KIAA1217: variants seen among roughly 807,000 people sequenced by gnomAD.
KIAA1217 encodes sickle tail protein homolog.
KIAA1217 carries 88 observed loss-of-function variants against 163.9 expected under a neutral mutation model. The ratio of observed to expected loss-of-function variants is 0.54; its 90% CI spans 0.45 to 0.64. KIAA1217 has a LOEUF of 0.64. Ranked by LOEUF, KIAA1217 falls within the 30% of genes least tolerant of loss-of-function variation. The probability of loss-of-function intolerance (pLI) is 0.00; values close to 1 mark genes in which losing one functional copy is unlikely to be tolerated. For missense variants in KIAA1217, 2,372 were observed against 2,475.0 expected, an observed-to-expected ratio of 0.96 and a Z score of 0.88; for synonymous variants, 903 against 923.1, an observed-to-expected ratio of 0.98 and a Z score of 0.39.
At chr10:24,112,306 C>T (rs1159714016) in intron 2 of KIAA1217, among the ~76,000 whole-genome samples, 1 of 152,210 alleles carries the variant, frequency 6.6e-6, no homozygotes, top group Non-Finnish European at 1.5e-5. Flanking sequence ...TAACTTCACA[C>T]ATCTGTAGCC....
Position 24,283,094 on chromosome 10 carries a change from A to C in KIAA1217, c.354+63185A>C, listed in dbSNP as rs367571947. On this transcript the variant is annotated intron_variant, in intron 2 of 20. Coordinates refer to ENST00000376454, the MANE Select transcript of KIAA1217 (RefSeq NM_019590.5). ...GTGATCCACCCACCTCGTCCTCCCAAAGTGCTGGGATTACAGGCATGAGCC... is the reference window on the plus strand; with the variant it reads ...GTGATCCACCCACCTCGTCCTCCCACAGTGCTGGGATTACAGGCATGAGCC... Among the ~76,000 whole-genome samples, 183 of 151,580 alleles carry C rather than the reference A, an allele frequency of 1.2e-3. 1 individual carries two copies. The highest frequency in any genetic ancestry group is 4.4e-3 in the African/African-American group (181 of 41,348).
intron 1 of KIAA1217, among the ~76,000 whole-genome samples, chr10:23,949,923 C>T (rs1268983790): frequency 7.9e-5 from 12 of 152,286 alleles, no homozygotes; most frequent in Middle Eastern, 3.4e-3. Context: ...ATTCCCTTTA[C>T]GTCAGGAATT....
intron 2 of KIAA1217, among the ~76,000 whole-genome samples, chr10:24,043,082 A>G (rs1056319360): frequency 1.3e-5 from 2 of 152,218 alleles, no homozygotes; most frequent in Non-Finnish European, 2.9e-5. Context: ...ATATTTGCCC[A>G]GGAATTGAGA....
intron 2 of KIAA1217, among the ~76,000 whole-genome samples, chr10:24,323,634 A>G (rs781193268): frequency 6.6e-6 from 1 of 152,162 alleles, no homozygotes; most frequent in Non-Finnish European, 1.5e-5. Context: ...GGTTACTAGT[A>G]TTCCACCTGC....
At chr10:23,772,641 T>C (rs539360779) in intron 1 of KIAA1217, among the ~76,000 whole-genome samples, 2 of 152,312 alleles carry the variant, frequency 1.3e-5, no homozygotes, top group East Asian at 1.9e-4. Flanking sequence ...TATTATACGA[T>C]GTCATGCTGT....
chr10:23,896,775 G>A (rs886356746), intron 1 of KIAA1217, among the ~76,000 whole-genome samples: 1 of 151,978 alleles, frequency 6.6e-6, no homozygotes, highest in African/African-American at 2.4e-5. Flanking sequence ...TCCATTATCA[G>A]TTATATTTTT....
intron 3 of KIAA1217, among the ~76,000 whole-genome samples, chr10:24,403,725 C>A (rs2056843841): frequency 6.6e-6 from 1 of 152,146 alleles, no homozygotes; most frequent in Non-Finnish European, 1.5e-5. Flanking sequence ...AGAGGAGGTA[C>A]AGATGGTAAA....
At chr10:24,014,947 G>A (rs1025828037) in intron 2 of KIAA1217, among the ~76,000 whole-genome samples, 6 of 151,466 alleles carry the variant, frequency 4.0e-5, no homozygotes, top group South Asian at 2.1e-4. Flanking sequence ...TAATATCTTC[G>A]ATCAAAAATA....
chr10:24,466,585 G>C (rs2062969787), intron 5 of KIAA1217: 2 of 985,272 alleles, frequency 2.0e-6, no homozygotes. Context: ...GTCTTTATTG[G>C]TTGTGAACAC....
intron 3 of KIAA1217, among the ~76,000 whole-genome samples, chr10:24,425,006 T>C: frequency 6.6e-6 from 1 of 152,194 alleles, no homozygotes; most frequent in Admixed American, 6.5e-5. Flanking sequence ...TCAATGTCTT[T>C]CCCATTTCAG....
intron 1 of KIAA1217, among the ~76,000 whole-genome samples, chr10:23,927,397 C>T (rs1008159044): frequency 6.6e-6 from 1 of 150,880 alleles, no homozygotes; most frequent in Non-Finnish European, 1.5e-5. Flanking sequence ...TCTCCTCTTG[C>T]ATTACCACTG....
At chr10:24,199,210 T>A (rs1184154437) in intron 2 of KIAA1217, among the ~76,000 whole-genome samples, 1 of 152,086 alleles carries the variant, frequency 6.6e-6, no homozygotes, top group Non-Finnish European at 1.5e-5. Flanking sequence ...CCAGCCTGGG[T>A]GACAGAGAAA....
chr10:23,713,699 T>A (rs990779408), intron 1 of KIAA1217, among the ~76,000 whole-genome samples: 2 of 152,174 alleles, frequency 1.3e-5, no homozygotes, highest in Non-Finnish European at 2.9e-5. Context: ...CCAATAAAAC[T>A]TTTTGGTATC....
chr10:23,905,518 G>A lies in KIAA1217; in HGVS notation c.-320-101707G>A, dbSNP rs563969958. On this transcript the variant is annotated intron_variant, in intron 1 of 18. Coordinates refer to the KIAA1217 transcript ENST00000376462. ...GCCCAAGGTCATAAAGCTAAAGGAG[G>A]TGGGGAGGGAGGACCCAGGGCTACA... Among the ~76,000 whole-genome samples the A allele has an allele frequency of 7.9e-5, 12 of 152,196 alleles. No individual in the cohort carries two copies. In the South Asian group the frequency reaches 1.9e-3, roughly 24 times the overall value.
chr10:23,734,379 C>T (rs1478021932), intron 1 of KIAA1217, among the ~76,000 whole-genome samples: 2 of 151,356 alleles, frequency 1.3e-5, no homozygotes, highest in Non-Finnish European at 2.9e-5. Context: ...CTCTGCCTCC[C>T]AGGTTCAAGC....
At chr10:23,881,693 A>T (rs1840956243) in intron 1 of KIAA1217, among the ~76,000 whole-genome samples, 1 of 152,000 alleles carries the variant, frequency 6.6e-6, no homozygotes, top group African/African-American at 2.4e-5. Flanking sequence ...TATCTACTTT[A>T]TAACCTAATC....
At chr10:24,102,260 A>G (rs2062447710) in intron 2 of KIAA1217, among the ~76,000 whole-genome samples, 2 of 152,332 alleles carry the variant, frequency 1.3e-5, no homozygotes, top group South Asian at 4.1e-4. Flanking sequence ...TAAACAATTG[A>G]GACTTGAAAT....
chr10:24,007,594 C>T (rs761339365), intron 2 of KIAA1217, among the ~76,000 whole-genome samples: 4 of 152,048 alleles, frequency 2.6e-5, no homozygotes, highest in African/African-American at 4.8e-5. Context: ...TTTGGTGTTG[C>T]GGACAGGGTT....
At chr10:24,093,119 A>T (rs2062005825) in intron 2 of KIAA1217, among the ~76,000 whole-genome samples, 2 of 151,630 alleles carry the variant, frequency 1.3e-5, no homozygotes, top group South Asian at 4.2e-4. Flanking sequence ...TCAGCCTCAC[A>T]AGTATCTGGG....
Sources: allele counts gnomAD v4.1 joint callset (sites outside exome capture counted in the v4.1 genomes callset), GRCh38; gene constraint gnomAD v4.1.1; transcripts MANE v1.5; gene names NCBI Gene and HGNC (gene_info 2026-07-23, HGNC 2026-07-21).